The following SGIP1 variants were observed in gnomAD, a reference collection of about 807,000 sequenced individuals.
SGIP1 encodes SH3GL interacting endocytic adaptor 1.
Under a neutral mutation model 107.5 loss-of-function variants are expected in SGIP1, and 38 were observed. That is an observed-to-expected ratio of 0.35 (90% CI 0.27 to 0.46). SGIP1 has a LOEUF of 0.46. Ranked by LOEUF, SGIP1 falls within the 20% of genes least tolerant of loss-of-function variation. SGIP1 has a pLI of 1.00. For synonymous variants in SGIP1, 365 were observed against 366.1 expected, an observed-to-expected ratio of 1.00 and a Z score of 0.03; for missense variants, 929 against 1,019.5, an observed-to-expected ratio of 0.91 and a Z score of 1.21.
intron 4 of SGIP1, among the ~76,000 whole-genome samples, chr1:66,636,563 A>G (rs552541665): frequency 6.6e-6 from 1 of 152,318 alleles, no homozygotes; most frequent in East Asian, 1.9e-4. Flanking sequence ...GTTGCACTTG[A>G]CACATTTCAA....
chr1:66,622,599 AC>A (rs1317784918), intron 1 of SGIP1, among the ~76,000 whole-genome samples: 1 of 152,180 alleles, frequency 6.6e-6, no homozygotes, highest in African/African-American at 2.4e-5. Context: ...TTCCCACAAC[AC>A]CAAAAGAAGC....
In SGIP1 at chr1:66,747,233, C is replaced by T. The variant is rs777596952; in HGVS notation, c.*4138C>T. 2.0e-5 allele frequency: 3 copies of T among 152,006 alleles called. No homozygotes were observed. Among genetic ancestry groups the T allele is most frequent in the Non-Finnish European group, 4.4e-5 (3 of 67,890 alleles). 9.4% of individuals were successfully genotyped at this position (152,006 alleles called of 1,614,324 possible). Reference sequence around the variant, plus strand: ...GGAATATACATTTTGATAAGTGCTCCAAATTTGAGAATCATTGCTCTAGTA... The same window carrying T: ...GGAATATACATTTTGATAAGTGCTCTAAATTTGAGAATCATTGCTCTAGTA... On this transcript the variant is annotated 3_prime_UTR_variant, in exon 25 of 25. Coordinates refer to ENST00000371037, the MANE Select transcript of SGIP1 (RefSeq NM_032291.4).
chr1:66,694,367 G>T, intron 17 of SGIP1: 4 of 1,319,012 alleles, frequency 3.0e-6, no homozygotes, highest in Non-Finnish European at 4.2e-6. Flanking sequence ...AGTAAAGTGG[G>T]CTTCTTGATT....
At chr1:66,589,541 T>C (rs1241494520) in intron 1 of SGIP1, among the ~76,000 whole-genome samples, 1 of 151,976 alleles carries the variant, frequency 6.6e-6, no homozygotes, top group Non-Finnish European at 1.5e-5. Context: ...CTTGAGCTTG[T>C]GATGGGACTT....
intron 1 of SGIP1, among the ~76,000 whole-genome samples, chr1:66,581,975 G>A (rs1309135450): frequency 6.6e-6 from 1 of 152,042 alleles, no homozygotes; most frequent in Non-Finnish European, 1.5e-5. Context: ...AAAAGGAGAG[G>A]CATTGAACTA....
intron 20 of SGIP1, among the ~76,000 whole-genome samples, chr1:66,730,737 C>T (rs2093970137): frequency 6.6e-6 from 1 of 152,190 alleles, no homozygotes; most frequent in African/African-American, 2.4e-5. Flanking sequence ...TCTGCCTCTC[C>T]ATTCTCATCT....
Position 66,682,089 on chromosome 1 carries a change from C to A in SGIP1, c.1035C>A (p.Asp345Glu). 1 of 1,614,228 alleles carries A rather than the reference C, an allele frequency of 6.2e-7. No homozygotes were observed. Among genetic ancestry groups the A allele is most frequent in the Non-Finnish European group, 8.5e-7 (1 of 1,180,032 alleles). Residue 345 changes from aspartate to glutamate, a missense_variant, in exon 15 of 25, where the codon GAC becomes GAA. By Grantham distance (45) the Asp-to-Glu change is conservative. Transcript: ENST00000371037. The part of the protein sequence containing the change: ...SPPATPDNPA[D>E]SPAPGPLGPP... ...CAGCTACACCAGACAACCCAGCTGA[C>A]TCCCCAGCTCCAGGCCCTCTCGGCC...
chr1:66,567,992 T>C (rs191903830), intron 1 of SGIP1, among the ~76,000 whole-genome samples: 172 of 152,284 alleles, frequency 1.1e-3, no homozygotes, highest in Middle Eastern at 3.4e-3. Context: ...TATGAGCTCT[T>C]TTTTGGTTCC....
chr1:66,737,987 G>C (rs1048326088), intron 21 of SGIP1, among the ~76,000 whole-genome samples: 2 of 151,966 alleles, frequency 1.3e-5, no homozygotes, highest in Non-Finnish European at 2.9e-5. Context: ...TCCCCAGGTA[G>C]AGGAACTATA....
intron 18 of SGIP1, among the ~76,000 whole-genome samples, chr1:66,698,750 G>A (rs1291793541): frequency 6.6e-6 from 1 of 152,078 alleles, no homozygotes; most frequent in Non-Finnish European, 1.5e-5. Flanking sequence ...TGAGGTGGGA[G>A]GGCAAGATAT....
At chr1:66,633,587 G>T (rs2075228125) in intron 3 of SGIP1, among the ~76,000 whole-genome samples, 1 of 152,138 alleles carries the variant, frequency 6.6e-6, no homozygotes, top group African/African-American at 2.4e-5. Flanking sequence ...TGAATTTACA[G>T]CCTGAAAGAG....
chr1:66,639,489 C>A (rs1263709046), intron 4 of SGIP1, among the ~76,000 whole-genome samples: 6 of 152,172 alleles, frequency 3.9e-5, no homozygotes, highest in Non-Finnish European at 7.4e-5. Flanking sequence ...GCTGCTAATT[C>A]TTCAGTAATT....
At chr1:66,548,833 C>A (rs1202815312) in intron 1 of SGIP1, among the ~76,000 whole-genome samples, 1 of 152,152 alleles carries the variant, frequency 6.6e-6, no homozygotes, top group African/African-American at 2.4e-5. Flanking sequence ...TTCACCTGTG[C>A]ACTTCTCCAA....
At chr1:66,647,700 C>T (rs988182062) in intron 7 of SGIP1, among the ~76,000 whole-genome samples, 4 of 152,186 alleles carry the variant, frequency 2.6e-5, no homozygotes, top group Admixed American at 1.3e-4. Context: ...TTTATAAATA[C>T]TAGTGATACC....
At chr1:66,594,056 C>T (rs2064154972) in intron 1 of SGIP1, among the ~76,000 whole-genome samples, 2 of 152,032 alleles carry the variant, frequency 1.3e-5, no homozygotes, top group Non-Finnish European at 1.5e-5. Flanking sequence ...TTTCTTTCTT[C>T]ACAACTTAAA....
Position 66,660,187 on chromosome 1 carries a change from GAAAGAAAGAA to G in SGIP1, c.460-324_460-315del, listed in dbSNP as rs747353778. On this transcript the variant is annotated intron_variant, in intron 7 of 24. Transcript: ENST00000371037. ...AGAAAGAAAGAAAGAAAGAAAGAAAGAAAGAAAGAAAGAAAGAAAGAAAGAAAGAGAAAGA... is the reference window on the plus strand; with the variant it reads ...AGAAAGAAAGAAAGAAAGAAAGAAAGAGAAAGAAAGAAAGAAAGAGAAAGA... The G allele has an allele frequency of 1.9e-5, 3 of 160,760 alleles. 1 individual carries two copies. The highest frequency in any genetic ancestry group is 9.5e-4 in the South Asian group (2 of 2,116). The allele number at this position is 160,760 out of a possible 1,614,324, so 10.0% of individuals were successfully genotyped here.
In SGIP1 at chr1:66,534,302, G is replaced by C; in HGVS notation, c.-57G>C. On this transcript the variant is annotated 5_prime_UTR_variant, in exon 1 of 25. Transcript: ENST00000371037. ...GAGGACTTAGCTGGGACCTGGAATC[G>C]TATCCTCCTGTGTTTTTTCAGACTC... 1.9e-6 allele frequency: 3 copies of C among 1,600,138 alleles called. No individual in the cohort carries two copies. Among genetic ancestry groups the C allele is most frequent in the Non-Finnish European group, 1.7e-6 (2 of 1,167,360 alleles).
chr1:66,589,224 C>T (rs4655631), intron 1 of SGIP1, among the ~76,000 whole-genome samples: 1 of 107,196 alleles, frequency 9.3e-6, no homozygotes, highest in Non-Finnish European at 1.9e-5. Context: ...ATATGTAAGG[C>T]TTGGGGTAAA....
intron 1 of SGIP1, among the ~76,000 whole-genome samples, chr1:66,598,878 C>T (rs867233713): frequency 3.9e-5 from 6 of 152,268 alleles, no homozygotes; most frequent in Middle Eastern, 6.8e-3. Context: ...AACCATATTA[C>T]CATGCCACAT....
Sources: allele counts gnomAD v4.1 joint callset (sites outside exome capture counted in the v4.1 genomes callset), GRCh38; gene constraint gnomAD v4.1.1; transcripts MANE v1.5; gene names NCBI Gene and HGNC (gene_info 2026-07-23, HGNC 2026-07-21).